The following ORC5 variants were observed in gnomAD, a reference collection of about 807,000 sequenced individuals.
The protein encoded by ORC5 is origin recognition complex subunit 5, also known as protein phosphatase 1, regulatory subunit 117.
Under a neutral mutation model 58.8 loss-of-function variants are expected in ORC5, and 39 were observed. That is an observed-to-expected ratio of 0.66 (90% CI 0.51 to 0.87). The LOEUF (loss-of-function observed/expected upper bound fraction) is 0.87, where lower values mean the gene tolerates loss of function less well. Among genes scored for constraint, ORC5 ranks in the 40% least tolerant of loss-of-function variants. ORC5 has a pLI of 0.00. For synonymous variants in ORC5, 218 were observed against 177.6 expected, an observed-to-expected ratio of 1.23 and a Z score of -1.81; for missense variants, 493 against 506.3, an observed-to-expected ratio of 0.97 and a Z score of 0.25.
intron 12 of ORC5, 119 bp downstream of exon 12, chr7:104,160,953 T>TTA: frequency 1.6e-6 from 1 of 644,490 alleles, no homozygotes; most frequent in Non-Finnish European, 2.8e-6. Context: ...ACATGGTTCA[T>TTA]TATATAGTTA....
chr7:104,161,395 C>T (rs1799020153), intron 11 of ORC5, among the ~76,000 whole-genome samples: 1 of 151,944 alleles, frequency 6.6e-6, no homozygotes, highest in African/African-American at 2.4e-5. Context: ...AGACAAGGTC[C>T]GCTGTCACCC....
intron 12 of ORC5, among the ~76,000 whole-genome samples, chr7:104,147,231 T>C (rs1017669921): frequency 4.0e-5 from 6 of 151,158 alleles, no homozygotes; most frequent in African/African-American, 1.5e-4. Flanking sequence ...GGAGGATTTG[T>C]AGCTACTGGT....
At chr7:104,204,436 A>G (rs759605022) in intron 1 of ORC5, among the ~76,000 whole-genome samples, 4 of 152,220 alleles carry the variant, frequency 2.6e-5, no homozygotes, top group Non-Finnish European at 5.9e-5. Flanking sequence ...ATTAAAATGT[A>G]TGTAACATAT....
intron 10 of ORC5, 55 bp from the exon 11 acceptor site, chr7:104,165,337 G>A (rs1328985532): frequency 2.0e-6 from 2 of 1,003,168 alleles, no homozygotes; most frequent in East Asian, 4.9e-5. Flanking sequence ...CACAAAACCA[G>A]AAAACGTTAT....
intron 6 of ORC5, among the ~76,000 whole-genome samples, chr7:104,184,936 G>C (rs1799512178): frequency 6.6e-6 from 1 of 152,076 alleles, no homozygotes; most frequent in African/African-American, 2.4e-5. Flanking sequence ...CCAAGTCTTT[G>C]CTCCTCTCCC....
At chr7:104,194,857 T>C (rs1003224865) in intron 5 of ORC5, among the ~76,000 whole-genome samples, 12 of 152,094 alleles carry the variant, frequency 7.9e-5, no homozygotes, top group African/African-American at 2.9e-4. Flanking sequence ...CCTCTCACAG[T>C]TCCAAAATAA....
chr7:104,172,175 G>A (rs1002531477), intron 8 of ORC5, among the ~76,000 whole-genome samples: 1 of 152,172 alleles, frequency 6.6e-6, no homozygotes, highest in African/African-American at 2.4e-5. Context: ...AATACAGCAG[G>A]CAAGAGTTAT....
chr7:104,166,482 G>A (rs77049927), intron 10 of ORC5, among the ~76,000 whole-genome samples: 6,781 of 152,156 alleles, frequency 0.045, 501 homozygotes, highest in African/African-American at 0.15. Flanking sequence ...AAGAGTTACC[G>A]CTCTTAAAAT....
In ORC5 at chr7:104,136,954, T is replaced by G. The variant is rs944226501; in HGVS notation, c.1150-61A>C. On this transcript the variant is annotated intron_variant, in intron 12 of 13. Transcript: ENST00000297431. The surrounding 1 kb of genome is among the most constrained non-coding windows in gnomAD (Gnocchi z 4.2). The stretch of plus-strand genomic sequence containing the variant: ...TAAGATTATGTAATACTTTTGTTTC[T>G]GAAACATCTTATAGTCTGATAAAGA... 6.9e-6 allele frequency: 8 copies of G among 1,154,878 alleles called. No homozygotes were observed. In the African/African-American group the frequency reaches 1.2e-4, roughly 18 times the overall value. The allele number at this position is 1,154,878 out of a possible 1,614,324, so 71.5% of individuals were successfully genotyped here.
intron 8 of ORC5, among the ~76,000 whole-genome samples, chr7:104,170,257 T>G (rs542024871): frequency 1.3e-5 from 2 of 152,314 alleles, no homozygotes; most frequent in South Asian, 4.1e-4. Flanking sequence ...GAAGTCTCTG[T>G]AGTAGGCTGA....
chr7:104,145,616 C>A (rs1244015584), intron 12 of ORC5, among the ~76,000 whole-genome samples: 1 of 151,932 alleles, frequency 6.6e-6, no homozygotes, highest in Admixed American at 6.6e-5. Flanking sequence ...AACTTCCCAC[C>A]CAGACAGGAT....
At chr7:104,151,938 C>G (rs916061348) in intron 12 of ORC5, among the ~76,000 whole-genome samples, 2 of 152,110 alleles carry the variant, frequency 1.3e-5, no homozygotes, top group African/African-American at 2.4e-5. Context: ...GTTCTAAAGG[C>G]TACCTGGGCC....
chr7:104,150,951 T>A (rs2115809668), intron 12 of ORC5, among the ~76,000 whole-genome samples: 1 of 152,256 alleles, frequency 6.6e-6, no homozygotes, highest in East Asian at 1.9e-4. Context: ...GGAGGCAAAG[T>A]GCAGATTCAC....
chr7:104,133,160 T>C lies in ORC5; in HGVS notation c.1262+3621A>G, dbSNP rs1371688489. The stretch of plus-strand genomic sequence containing the variant: ...GCTATGGGAAACTACTGAATATTTT[T>C]AATGAGCAGGGTGACATTAAATTTT... On this transcript the variant is annotated intron_variant, in intron 13 of 13. Coordinates refer to ENST00000297431, the MANE Select transcript of ORC5 (RefSeq NM_002553.4). This position sits in a 1 kb window ranked among gnomAD's most constrained non-coding sequence, Gnocchi z 4.7. Among the ~76,000 whole-genome samples, 1 of 152,166 alleles carries C rather than the reference T, an allele frequency of 6.6e-6. No individual in the cohort carries two copies. The highest frequency in any genetic ancestry group is 6.5e-5 in the Admixed American group (1 of 15,280).
intron 12 of ORC5, among the ~76,000 whole-genome samples, chr7:104,158,714 C>A (rs546570113): frequency 0.037 from 5,562 of 149,942 alleles, 364 homozygotes; most frequent in African/African-American, 0.13. Context: ...GCAGCCAAAA[C>A]ACACATGAAA....
intron 3 of ORC5, among the ~76,000 whole-genome samples, chr7:104,198,476 G>A (rs1360019425): frequency 6.6e-6 from 1 of 152,214 alleles, no homozygotes; most frequent in African/African-American, 2.4e-5. Context: ...CTAGAGATCT[G>A]TGGAACTTTG....
intron 6 of ORC5, among the ~76,000 whole-genome samples, chr7:104,185,412 T>A (rs2115984957): frequency 6.6e-6 from 1 of 152,316 alleles, no homozygotes; most frequent in South Asian, 2.1e-4. Flanking sequence ...TATATTTATG[T>A]CACATAGAAC....
rs371454743 is a variant in ORC5, at chr7:104,152,479, C to T, written c.1149+8593G>A. 9.9e-5 allele frequency among the ~76,000 whole-genome samples: 15 copies of T among 152,234 alleles called. No individual in the cohort carries two copies. In the East Asian group the frequency reaches 2.3e-3, roughly 24 times the overall value. ...TTAAATGTACCACACATTTCCACAA[C>T]GAAGATTTTTTTCTAAATCATTTAT... On this transcript the variant is annotated intron_variant, in intron 12 of 13. Transcript: ENST00000297431.
At chr7:104,155,924 A>G (rs1798918516) in intron 12 of ORC5, among the ~76,000 whole-genome samples, 1 of 151,706 alleles carries the variant, frequency 6.6e-6, no homozygotes, top group South Asian at 2.1e-4. Flanking sequence ...CTTGGCTTTA[A>G]TATATTTCTG....
Sources: allele counts gnomAD v4.1 joint callset (sites outside exome capture counted in the v4.1 genomes callset), GRCh38; gene constraint gnomAD v4.1.1; non-coding constraint Gnocchi (gnomAD v3.1); transcripts MANE v1.5; gene names NCBI Gene and HGNC (gene_info 2026-07-23, HGNC 2026-07-21).